The following C3orf49 variants were observed in gnomAD, a reference collection of about 807,000 sequenced individuals.
C3orf49 encodes chromosome 3 open reading frame 49, also known as putative uncharacterized protein C3orf49.
C3orf49 carries 27 observed loss-of-function variants against 13.3 expected under a neutral mutation model. That is an observed-to-expected ratio of 2.02 (90% CI 1.49 to 2.79). C3orf49 has a LOEUF of 2.79. Among genes scored for constraint, C3orf49 ranks in the 30% most tolerant of loss-of-function variants. The pLI is 0.00. For missense variants in C3orf49, 242 were observed against 134.2 expected (o/e 1.80, Z -3.97); for synonymous variants, 87 against 47.6 (o/e 1.83, Z -3.40).
intron 5 of C3orf49, among the ~76,000 whole-genome samples, chr3:63,843,949 GTATGTGTTACACACACAAA>G (rs1436976476): frequency 6.6e-6 from 1 of 151,868 alleles, no homozygotes; most frequent in African/African-American, 2.4e-5. Flanking sequence ...ATATATGTGT[GTATGTGTTACACACACAAA>G]TATGTGTTAC....
chr3:63,827,844 T>C, intron 3 of C3orf49, 119 bp downstream of exon 3: 1 of 569,962 alleles, frequency 1.8e-6, no homozygotes, highest in Non-Finnish European at 3.1e-6. Flanking sequence ...TTAAATCTGC[T>C]GCTTCTGTCT....
chr3:63,803,237 T>C, the C3orf49 span, among the ~76,000 whole-genome samples: 2 of 152,214 alleles, frequency 1.3e-5, no homozygotes, highest in Admixed American at 6.5e-5. Flanking sequence ...CTTAATATTT[T>C]CTATATTCAT....
the C3orf49 span, among the ~76,000 whole-genome samples, chr3:63,787,679 A>C: frequency 6.6e-6 from 1 of 152,188 alleles, no homozygotes; most frequent in African/African-American, 2.4e-5. Context: ...ACAGGAAAGC[A>C]GTCCTAGGGA....
chr3:63,788,877 G>C, the C3orf49 span, among the ~76,000 whole-genome samples: 1 of 152,050 alleles, frequency 6.6e-6, no homozygotes, highest in Non-Finnish European at 1.5e-5. Context: ...TGTCTAGTTC[G>C]GTTGATCGAC....
chr3:63,821,953 C>T lies in C3orf49; in HGVS notation c.126-1297C>T, dbSNP rs570960298. Reference sequence around the variant, plus strand: ...TTGGGGAAACTAGGTAAAGAGCACACAGAATCTCCCTGTATTTCTTTCTTT... The same window carrying T: ...TTGGGGAAACTAGGTAAAGAGCACATAGAATCTCCCTGTATTTCTTTCTTT... On this transcript the variant is annotated intron_variant, in intron 1 of 6. Transcript: ENST00000295896. Among the ~76,000 whole-genome samples, 4 of 152,080 alleles carry T rather than the reference C, an allele frequency of 2.6e-5. No homozygotes were observed. In the South Asian group the frequency reaches 8.3e-4, roughly 32 times the overall value.
chr3:63,790,489 C>G, the C3orf49 span, among the ~76,000 whole-genome samples: 2 of 152,034 alleles, frequency 1.3e-5, no homozygotes, highest in Non-Finnish European at 2.9e-5. Flanking sequence ...ACACCTGAGA[C>G]CAGTGAAATC....
the C3orf49 span, among the ~76,000 whole-genome samples, chr3:63,787,542 T>A: frequency 3.3e-5 from 5 of 151,886 alleles, no homozygotes; most frequent in Admixed American, 6.6e-5. Flanking sequence ...TACCCTTTTT[T>A]AAAAAAAAAT....
At chr3:63,785,352 G>A in the C3orf49 span, among the ~76,000 whole-genome samples, 5 of 151,200 alleles carry the variant, frequency 3.3e-5, no homozygotes, top group Admixed American at 2.0e-4. Flanking sequence ...GATTATAGGC[G>A]TGAGCCACCG....
the C3orf49 span, among the ~76,000 whole-genome samples, chr3:63,792,998 G>C: frequency 6.6e-6 from 1 of 152,070 alleles, no homozygotes; most frequent in African/African-American, 2.4e-5. Flanking sequence ...TTTTATTTCT[G>C]CGAATAGACT....
chr3:63,838,882 T>G (rs1701694277), intron 5 of C3orf49, among the ~76,000 whole-genome samples: 1 of 152,196 alleles, frequency 6.6e-6, no homozygotes, highest in Non-Finnish European at 1.5e-5. Flanking sequence ...GAGAAAAAGT[T>G]TGCTATGTTA....
At chr3:63,825,896 T>C (rs1230001183) in intron 2 of C3orf49, among the ~76,000 whole-genome samples, 1 of 151,798 alleles carries the variant, frequency 6.6e-6, no homozygotes, top group African/African-American at 2.4e-5. Flanking sequence ...AGGGGAGGGG[T>C]CTCAGGAAAG....
upstream of C3orf49, among the ~76,000 whole-genome samples, chr3:63,815,903 C>T (rs141223891): frequency 5.2e-4 from 79 of 151,166 alleles, no homozygotes; most frequent in African/African-American, 1.6e-3. Context: ...TCTCCTCCCT[C>T]GTCCTCCTGA....
the C3orf49 span, among the ~76,000 whole-genome samples, chr3:63,796,530 C>T: frequency 6.6e-6 from 1 of 152,158 alleles, no homozygotes; most frequent in African/African-American, 2.4e-5. Flanking sequence ...CAAATAAATG[C>T]TAGCCTGTTT....
intron 1 of C3orf49, among the ~76,000 whole-genome samples, chr3:63,820,345 A>G (rs1050300045): frequency 6.6e-6 from 1 of 152,202 alleles, no homozygotes; most frequent in African/African-American, 2.4e-5. Context: ...CGGGGGAAGC[A>G]ATACAACCAA....
chr3:63,823,366 A>T lies in C3orf49; in HGVS notation c.242A>T (p.Asn81Ile), dbSNP rs1444695609. The T allele has an allele frequency of 4.3e-6, 3 of 703,162 alleles. No homozygotes were observed. The East Asian group carries it at 8.0e-5, about 19-fold the overall frequency. The allele number at this position is 703,162 out of a possible 1,614,324, so 43.6% of individuals were successfully genotyped here. A position where few individuals can be genotyped will look rare whatever the true frequency, so the allele number is the denominator to read the frequency against. Residue 81 changes from asparagine (N) to isoleucine (I), a missense_variant, in exon 2 of 7, where the codon AAT becomes ATT. Asn to Ile is a moderately radical substitution (Grantham distance 149). Coordinates refer to ENST00000295896, the MANE Select transcript of C3orf49 (RefSeq NM_001355236.2). ...GAAAGCCAGCAAAATCAGAAAAGTA[A>T]TTTGAAGACGAAAGTGAAGACTGCT... ...FHESQQNQKS[N>I]LKTKVKTAFG... is the part of the protein sequence containing the mutation.
the C3orf49 span, among the ~76,000 whole-genome samples, chr3:63,792,110 T>C: frequency 0.025 from 3,751 of 152,338 alleles, 88 homozygotes; most frequent in African/African-American, 0.063. Context: ...GTTTGGACTT[T>C]ATTGCTTGCA....
the C3orf49 span, among the ~76,000 whole-genome samples, chr3:63,793,614 T>C: frequency 1.1e-3 from 164 of 151,440 alleles, no homozygotes; most frequent in African/African-American, 3.9e-3. Context: ...GAAGAAAATA[T>C]CCACTGCCAC....
upstream of C3orf49, among the ~76,000 whole-genome samples, chr3:63,817,988 A>G (rs551934609): frequency 5.3e-5 from 8 of 152,276 alleles, no homozygotes; most frequent in African/African-American, 1.9e-4. Flanking sequence ...TCAAGCACCT[A>G]TTATTTATTG....
intron 5 of C3orf49, chr3:63,832,057 G>A (rs767039486): frequency 1.4e-4 from 61 of 447,564 alleles, no homozygotes; most frequent in Non-Finnish European, 2.2e-4. Context: ...ATCCAGGAGT[G>A]GTGGCGGGCG....
Sources: allele counts gnomAD v4.1 joint callset (sites outside exome capture counted in the v4.1 genomes callset), GRCh38; gene constraint gnomAD v4.1.1; transcripts MANE v1.5; gene names NCBI Gene and HGNC (gene_info 2026-07-23, HGNC 2026-07-21).